Variants in ADAMTS16 observed in about 807,000 individuals in gnomAD.
ADAMTS16 encodes ADAM metallopeptidase with thrombospondin type 1 motif 16.
A neutral mutation model predicts 145.8 loss-of-function variants in ADAMTS16; 94 were observed. The ratio of observed to expected loss-of-function variants is 0.64; its 90% CI spans 0.55 to 0.77. The LOEUF (loss-of-function observed/expected upper bound fraction) is 0.77, where lower values mean the gene tolerates loss of function less well. ADAMTS16 is among the 30% of genes least tolerant of loss of function. The probability of loss-of-function intolerance (pLI) is 0.00; values close to 1 mark genes in which losing one functional copy is unlikely to be tolerated. For missense variants in ADAMTS16, 1,585 were observed against 1,591.5 expected (o/e 1.00, Z 0.07); for synonymous variants, 659 against 604.3 (o/e 1.09, Z -1.33).
chr5:5,171,694 G>T (rs1735045512), intron 3 of ADAMTS16, among the ~76,000 whole-genome samples: 2 of 152,038 alleles, frequency 1.3e-5, no homozygotes, highest in Admixed American at 1.3e-4. Context: ...GAGGATTTTT[G>T]CATCAATGTT....
At chr5:5,166,497 CA>C (rs1734885836) in intron 3 of ADAMTS16, among the ~76,000 whole-genome samples, 1 of 152,182 alleles carries the variant, frequency 6.6e-6, no homozygotes, top group Non-Finnish European at 1.5e-5. Context: ...CAACACTGGC[CA>C]GGGGGTGCAG....
intron 3 of ADAMTS16, chr5:5,176,321 T>A (rs988759415): frequency 6.6e-6 from 1 of 152,202 alleles, no homozygotes; most frequent in African/African-American, 2.4e-5. Context: ...AAGAAGTATT[T>A]ACCCCTGACA....
chr5:5,300,417 C>T (rs1739723265), intron 18 of ADAMTS16, among the ~76,000 whole-genome samples: 1 of 152,060 alleles, frequency 6.6e-6, no homozygotes, highest in Non-Finnish European at 1.5e-5. Flanking sequence ...ATCTCGTTGA[C>T]ACTGGAAAAT....
chr5:5,209,283 T>G (rs746174581), intron 10 of ADAMTS16, 37 bp downstream of exon 10: 3 of 1,606,224 alleles, frequency 1.9e-6, no homozygotes, highest in Non-Finnish European at 2.6e-6. Flanking sequence ...TGCAACATGA[T>G]TCATAAGACT....
chr5:5,270,975 T>C (rs75484240), intron 18 of ADAMTS16, among the ~76,000 whole-genome samples: 3,635 of 152,306 alleles, frequency 0.024, 47 homozygotes, highest in East Asian at 0.054. Context: ...GTGCTCTGTC[T>C]GACACTAAGT....
chr5:5,246,303 G>T (rs1737437186), intron 17 of ADAMTS16, among the ~76,000 whole-genome samples: 1 of 152,098 alleles, frequency 6.6e-6, no homozygotes, highest in South Asian at 2.1e-4. Flanking sequence ...TATTCAAATG[G>T]AAATATTCAT....
rs373497895 is a variant in ADAMTS16 at position 5,242,136 on chromosome 5, G to A, written c.2607G>A (p.Gln869=). 9.9e-6 allele frequency: 16 copies of A among 1,614,050 alleles called. No homozygotes were observed. Among genetic ancestry groups the A allele is most frequent in the African/African-American group, 5.3e-5 (4 of 74,910 alleles). The part of the protein sequence containing the change: ...RLGTEKQPPA[Q]PSYTWAIVRS... Reference sequence around the variant, plus strand: ...GGACCGAGAAGCAGCCCCCTGCCCAGCCCAGCTACACTTGGGCCATCGTGC... The same window carrying A: ...GGACCGAGAAGCAGCCCCCTGCCCAACCCAGCTACACTTGGGCCATCGTGC... Residue 869 remains glutamine (Q), a synonymous_variant, in exon 17 of 23, where the codon CAG becomes CAA. Transcript: ENST00000274181.
intron 8 of ADAMTS16, among the ~76,000 whole-genome samples, chr5:5,198,709 T>C (rs980329793): frequency 3.9e-5 from 6 of 152,224 alleles, no homozygotes; most frequent in African/African-American, 1.4e-4. Context: ...ACTAGTAATA[T>C]ATTACTAAAT....
chr5:5,202,408 G>A (rs1178449208), intron 9 of ADAMTS16, among the ~76,000 whole-genome samples: 1 of 152,168 alleles, frequency 6.6e-6, no homozygotes, highest in African/African-American at 2.4e-5. Context: ...AAAAGACAAT[G>A]TTAAAGCTAT....
intron 15 of ADAMTS16, 39 bp downstream of exon 15, chr5:5,239,313 A>C (rs763289997): frequency 6.6e-7 from 1 of 1,509,462 alleles, no homozygotes; most frequent in Non-Finnish European, 8.8e-7. Flanking sequence ...TTGGGCAAAG[A>C]AGATTGTAAC....
At chr5:5,291,607 G>A (rs1739319582) in intron 18 of ADAMTS16, among the ~76,000 whole-genome samples, 1 of 152,184 alleles carries the variant, frequency 6.6e-6, no homozygotes, top group African/African-American at 2.4e-5. Context: ...GGTTGGAGCT[G>A]AGGTTGGAAC....
chr5:5,227,162 C>T (rs1051009264), intron 11 of ADAMTS16, among the ~76,000 whole-genome samples: 1 of 152,264 alleles, frequency 6.6e-6, no homozygotes, highest in Non-Finnish European at 1.5e-5. Context: ...GGTCACGCAG[C>T]TCGCAGAGCA....
At chr5:5,237,600 T>C (rs1192266238) in intron 14 of ADAMTS16, among the ~76,000 whole-genome samples, 1 of 152,130 alleles carries the variant, frequency 6.6e-6, no homozygotes, top group Admixed American at 6.5e-5. Flanking sequence ...CCTGTGTCCA[T>C]GTAGATAGAG....
At chr5:5,188,250 C>T (rs72647745) in intron 6 of ADAMTS16, among the ~76,000 whole-genome samples, 65 of 152,312 alleles carry the variant, frequency 4.3e-4, no homozygotes, top group Middle Eastern at 3.4e-3. Context: ...ATTCAATTAT[C>T]TCCCAGCTCT....
chr5:5,239,601 C>A, intron 15 of ADAMTS16, 80 bp from the exon 16 acceptor site: 19 of 1,562,636 alleles, frequency 1.2e-5, no homozygotes, highest in Non-Finnish European at 1.6e-5. Flanking sequence ...GTTTTGTTTA[C>A]CGAGGACTGG....
intron 18 of ADAMTS16, among the ~76,000 whole-genome samples, chr5:5,299,187 A>T (rs1739671552): frequency 6.6e-6 from 1 of 152,246 alleles, no homozygotes; most frequent in African/African-American, 2.4e-5. Context: ...TCCTAGAGTT[A>T]TTCTTGAAAA....
chr5:5,319,253 A>G lies in ADAMTS16; in HGVS notation c.*115A>G. The G allele has an allele frequency of 1.3e-6, 1 of 791,190 alleles. No individual in the cohort carries two copies. Among genetic ancestry groups the G allele is most frequent in the South Asian group, 1.6e-5 (1 of 63,478 alleles). 49.0% of individuals were successfully genotyped at this position (791,190 alleles called of 1,614,324 possible). On this transcript the variant is annotated 3_prime_UTR_variant, in exon 23 of 23. Transcript: ENST00000274181. The stretch of plus-strand genomic sequence containing the variant: ...CAAGGAAGAGCAAAGCCAAAAGAAG[A>G]AAACCGTGTTAGGCTCTTTGACCAG...
intron 9 of ADAMTS16, among the ~76,000 whole-genome samples, chr5:5,206,425 C>CAAA (rs1173829992): frequency 0.096 from 3,735 of 38,880 alleles, 557 homozygotes; most frequent in Middle Eastern, 0.32. Context: ...GACTCCGTCT[C>CAAA]AAAAAAAAAA....
chr5:5,263,685 G>A (rs62338233), intron 18 of ADAMTS16, among the ~76,000 whole-genome samples: 1,752 of 152,316 alleles, frequency 0.012, 21 homozygotes, highest in Non-Finnish European at 0.016. Context: ...AAGGGTGCCC[G>A]TGACCCCAAA....
Sources: allele counts gnomAD v4.1 joint callset (sites outside exome capture counted in the v4.1 genomes callset), GRCh38; gene constraint gnomAD v4.1.1; transcripts MANE v1.5; gene names NCBI Gene and HGNC (gene_info 2026-07-23, HGNC 2026-07-21).